Variants in ATXN1 observed in about 807,000 individuals in gnomAD.
ATXN1 encodes ataxin 1.
In ATXN1, 8 loss-of-function variants were observed where a neutral mutation model predicts 56.4. The ratio of observed to expected loss-of-function variants is 0.14; its 90% CI spans 0.08 to 0.26. The LOEUF is 0.26. ATXN1 is among the 10% of genes least tolerant of loss of function. ATXN1 has a pLI of 1.00. For missense variants in ATXN1, 987 were observed against 1,106.5 expected (o/e 0.89, Z 1.53); for synonymous variants, 514 against 494.6 (o/e 1.04, Z -0.52).
chr6:16,687,657 T>TACACACACACATAC (rs374530653), intron 2 of ATXN1, among the ~76,000 whole-genome samples: 1 of 143,294 alleles, frequency 7.0e-6, no homozygotes, highest in African/African-American at 2.6e-5. Flanking sequence ...AAAGAAGAAA[T>TACACACACACATAC]ACACACACAC....
intron 4 of ATXN1, among the ~76,000 whole-genome samples, chr6:16,572,968 C>G (rs910715951): frequency 6.6e-6 from 1 of 152,150 alleles, no homozygotes; most frequent in Non-Finnish European, 1.5e-5. Flanking sequence ...TATGGTCCAA[C>G]AGTAGACCTG....
intron 4 of ATXN1, among the ~76,000 whole-genome samples, chr6:16,566,215 CTT>C (rs1762213671): frequency 1.3e-5 from 2 of 152,132 alleles, no homozygotes; most frequent in South Asian, 4.1e-4. Context: ...CACTTAATGA[CTT>C]ATAATCTACA....
At chr6:16,704,325 C>A (rs1253130811) in intron 2 of ATXN1, among the ~76,000 whole-genome samples, 1 of 151,990 alleles carries the variant, frequency 6.6e-6, no homozygotes, top group Non-Finnish European at 1.5e-5. Context: ...TGCCTCTGAA[C>A]CCCCTTTCCC....
Position 16,617,766 on chromosome 6 carries a change from C to CAAAA in ATXN1, c.-488-31863_-488-31860dup, listed in dbSNP as rs397975811. ...TGGGCAATAGAGAGAAACTCTGTCT[C>CAAAA]AAAAAAAAAAAAAAAAGAAATATAC... On this transcript the variant is annotated intron_variant, in intron 3 of 7. Coordinates refer to ENST00000436367, the MANE Select transcript of ATXN1 (RefSeq NM_001128164.2). Among the ~76,000 whole-genome samples, 4 of 89,504 alleles carry CAAAA rather than the reference C, an allele frequency of 4.5e-5. 1 individual carries two copies. The highest frequency in any genetic ancestry group is 6.5e-5 in the Non-Finnish European group (3 of 46,070). 58.7% of individuals were successfully genotyped at this position (89,504 alleles called of 152,430 possible).
chr6:16,707,901 GCAAAA>G (rs1759440201), intron 2 of ATXN1, among the ~76,000 whole-genome samples: 2 of 152,170 alleles, frequency 1.3e-5, no homozygotes, highest in African/African-American at 4.8e-5. Context: ...AAGGAAGAAA[GCAAAA>G]CAAAACAAAA....
At chr6:16,389,786 G>A (rs2113519620) in intron 6 of ATXN1, among the ~76,000 whole-genome samples, 1 of 152,304 alleles carries the variant, frequency 6.6e-6, no homozygotes, top group Admixed American at 6.5e-5. Flanking sequence ...TCAAATAAGT[G>A]GGACCAGCCC....
At chr6:16,702,216 C>G (rs987749145) in intron 2 of ATXN1, among the ~76,000 whole-genome samples, 11 of 152,182 alleles carry the variant, frequency 7.2e-5, no homozygotes, top group South Asian at 2.1e-4. Flanking sequence ...ACAAACCTGA[C>G]AAAAACAAGA....
chr6:16,513,349 T>C (rs751791926), intron 5 of ATXN1, among the ~76,000 whole-genome samples: 8 of 152,192 alleles, frequency 5.3e-5, no homozygotes, highest in East Asian at 1.9e-4. Flanking sequence ...CAAAAGAATA[T>C]AGATATCACT....
chr6:16,757,574 A>G (rs1173119566), intron 1 of ATXN1, among the ~76,000 whole-genome samples: 1 of 152,226 alleles, frequency 6.6e-6, no homozygotes, highest in Non-Finnish European at 1.5e-5. Context: ...ACAAAACGGT[A>G]AAAACTCATA....
In ATXN1 at chr6:16,585,844, T is replaced by C. The variant is rs9396688; in HGVS notation, c.-425A>G. The stretch of plus-strand genomic sequence containing the variant: ...TATCAGTTCCTTGCAGCAGATCTTT[T>C]CACGAAGATTTTGCTTGAGTAGAAA... On this transcript the variant is annotated 5_prime_UTR_variant, in exon 4 of 8. Transcript: ENST00000436367. 1 of 152,302 alleles carries C rather than the reference T, an allele frequency of 6.6e-6. No homozygotes were observed. The highest frequency in any genetic ancestry group is 1.9e-4 in the East Asian group (1 of 5,192). 9.4% of individuals were successfully genotyped at this position (152,302 alleles called of 1,614,324 possible).
intron 6 of ATXN1, among the ~76,000 whole-genome samples, chr6:16,399,071 G>A (rs56393937): frequency 0.061 from 9,304 of 152,262 alleles, 667 homozygotes; most frequent in East Asian, 0.39. Flanking sequence ...ACATTAAGCA[G>A]AACTAACCAT....
intron 3 of ATXN1, among the ~76,000 whole-genome samples, chr6:16,656,109 A>C (rs2113356428): frequency 6.6e-6 from 1 of 151,878 alleles, no homozygotes; most frequent in Non-Finnish European, 1.5e-5. Context: ...AAAACAAAAA[A>C]ATTATTTACT....
intron 6 of ATXN1, among the ~76,000 whole-genome samples, chr6:16,482,122 A>G (rs1219374787): frequency 6.6e-6 from 1 of 151,996 alleles, no homozygotes; most frequent in African/African-American, 2.4e-5. Context: ...CACACCCTTA[A>G]ACTGCTATCA....
At chr6:16,496,435 T>C (rs1760783083) in intron 5 of ATXN1, among the ~76,000 whole-genome samples, 1 of 152,162 alleles carries the variant, frequency 6.6e-6, no homozygotes, top group Admixed American at 6.5e-5. Flanking sequence ...CGCTGAAGAT[T>C]TGATACCATA....
intron 2 of ATXN1, among the ~76,000 whole-genome samples, chr6:16,681,886 C>A (rs750219249): frequency 6.6e-6 from 1 of 152,144 alleles, no homozygotes; most frequent in Non-Finnish European, 1.5e-5. Flanking sequence ...AAAATATACA[C>A]GTGGCAGATA....
At chr6:16,417,679 C>T (rs541878085) in intron 6 of ATXN1, among the ~76,000 whole-genome samples, 2 of 152,214 alleles carry the variant, frequency 1.3e-5, no homozygotes, top group South Asian at 4.2e-4. Context: ...ACCTCGTGAT[C>T]CCCCTGCCTC....
At chr6:16,427,848 G>A (rs961833024) in intron 6 of ATXN1, among the ~76,000 whole-genome samples, 1 of 152,186 alleles carries the variant, frequency 6.6e-6, no homozygotes, top group Non-Finnish European at 1.5e-5. Flanking sequence ...GTATTCCATA[G>A]GGCTCTAGGG....
intron 4 of ATXN1, among the ~76,000 whole-genome samples, chr6:16,550,967 C>A (rs143457075): frequency 2.8e-4 from 42 of 152,244 alleles, no homozygotes; most frequent in Middle Eastern, 3.4e-3. Flanking sequence ...ATGCAACTTG[C>A]CTAAATAAAC....
chr6:16,547,736 G>A (rs534954514), intron 4 of ATXN1, among the ~76,000 whole-genome samples: 8 of 152,096 alleles, frequency 5.3e-5, no homozygotes, highest in Admixed American at 1.3e-4. Context: ...GTCTTTACAC[G>A]GTAATAGCCT....
Sources: gnomAD v4.1 joint callset for allele counts (sites outside exome capture counted in the v4.1 genomes callset) on GRCh38, gnomAD v4.1.1 for gene constraint, MANE v1.5 for transcripts, NCBI Gene and HGNC (gene_info 2026-07-23, HGNC 2026-07-21) for gene names.